Variants in MAML3 observed in about 807,000 individuals in gnomAD.
MAML3 encodes mastermind-like protein 3.
Under a neutral mutation model 101.9 loss-of-function variants are expected in MAML3, and 27 were observed. The ratio of observed to expected loss-of-function variants is 0.27; its 90% CI spans 0.20 to 0.37. The LOEUF is 0.37. Among genes scored for constraint, MAML3 ranks in the 10% least tolerant of loss-of-function variants. The pLI, the probability that MAML3 is intolerant of heterozygous loss-of-function variation, is 1.00. For missense variants in MAML3, 1,316 were observed against 1,444.9 expected, an observed-to-expected ratio of 0.91 and a Z score of 1.45; for synonymous variants, 501 against 555.9, an observed-to-expected ratio of 0.90 and a Z score of 1.39.
At chr4:140,002,971 C>T (rs1462117392) in intron 1 of MAML3, among the ~76,000 whole-genome samples, 1 of 152,196 alleles carries the variant, frequency 6.6e-6, no homozygotes, top group Non-Finnish European at 1.5e-5. Flanking sequence ...AAAGTAATGG[C>T]AAGGACAAGC....
rs1728673878 is a variant in MAML3 at position 139,730,756 on chromosome 4, G to A, written c.2080-89C>T. The A allele has an allele frequency of 8.9e-6, 11 of 1,235,688 alleles. No homozygotes were observed. The Admixed American group carries it at 2.3e-4, about 25-fold the overall frequency. 76.5% of individuals were successfully genotyped at this position (1,235,688 alleles called of 1,614,324 possible). A position where few individuals can be genotyped will look rare whatever the true frequency, so the allele number is the denominator to read the frequency against. ...GAAGCCCCTGGAAAAAGGGAACGGGGCAGAAGTCCCAGCTTATGGACTGGA... is the reference window on the plus strand; with the variant it reads ...GAAGCCCCTGGAAAAAGGGAACGGGACAGAAGTCCCAGCTTATGGACTGGA... On this transcript the variant is annotated intron_variant, in intron 2 of 4. Transcript: ENST00000509479.
At chr4:140,094,908 T>C (rs1360810999) in intron 1 of MAML3, among the ~76,000 whole-genome samples, 1 of 152,232 alleles carries the variant, frequency 6.6e-6, no homozygotes, top group Non-Finnish European at 1.5e-5. Context: ...AAAGACCAGT[T>C]CCTCTTCTCC....
At chr4:139,800,944 T>TGACATTGG (rs1406093551) in intron 2 of MAML3, among the ~76,000 whole-genome samples, 3 of 152,214 alleles carry the variant, frequency 2.0e-5, no homozygotes, top group Non-Finnish European at 4.4e-5. Flanking sequence ...GAACATAAAA[T>TGACATTGG]GACATTGGGA....
chr4:140,042,593 C>A (rs1287964065), intron 1 of MAML3, among the ~76,000 whole-genome samples: 2 of 151,928 alleles, frequency 1.3e-5, no homozygotes, highest in Non-Finnish European at 2.9e-5. Context: ...GAGATCACGC[C>A]ACTGCACTCC....
At chr4:139,977,781 G>A (rs540068999) in intron 1 of MAML3, among the ~76,000 whole-genome samples, 1 of 151,924 alleles carries the variant, frequency 6.6e-6, no homozygotes, top group Non-Finnish European at 1.5e-5. Flanking sequence ...GCTGAGGCAG[G>A]AGAATTGCTG....
chr4:140,003,991 A>G (rs1726392957), intron 1 of MAML3, among the ~76,000 whole-genome samples: 1 of 152,240 alleles, frequency 6.6e-6, no homozygotes, highest in Non-Finnish European at 1.5e-5. Context: ...TCACTTAGAA[A>G]GCATTGTAAG....
chr4:139,928,864 G>A (rs1044775698), intron 1 of MAML3, among the ~76,000 whole-genome samples: 6 of 152,104 alleles, frequency 3.9e-5, no homozygotes, highest in East Asian at 1.9e-4. Context: ...GGGATTTGGC[G>A]GACAGAGAAG....
chr4:140,083,977 G>C (rs879335534), intron 1 of MAML3, among the ~76,000 whole-genome samples: 5,445 of 41,566 alleles, frequency 0.13, 110 homozygotes, highest in Middle Eastern at 0.2. Context: ...CAGAGAGAGA[G>C]AGAGAGAGAG....
In MAML3 at chr4:139,890,444, T is replaced by C. The variant is rs899855917; in HGVS notation, c.992A>G (p.Glu331Gly). Residue 331 changes from glutamate (E) to glycine (G), a missense_variant, in exon 2 of 5, where the codon GAA becomes GGA. Physicochemically the swap from Glu to Gly is moderately conservative, Grantham distance 98. Coordinates refer to ENST00000509479, the MANE Select transcript of MAML3 (RefSeq NM_018717.5). The surrounding 1 kb of genome is among the most constrained non-coding windows in gnomAD (Gnocchi z 4.1). ...PEDDIQDLFN[E>G]DFEEKKEPEF... is the part of the protein sequence containing the mutation. ...TGGCTCCTTCTTCTCTTCAAAGTCT[T>C]CGTTGAACAGGTCCTGTATGTCATC... 3 of 1,611,362 alleles carry C rather than the reference T, an allele frequency of 1.9e-6. No homozygotes were observed. Among genetic ancestry groups the C allele is most frequent in the African/African-American group, 2.7e-5 (2 of 74,850 alleles).
At chr4:139,886,058 A>C (rs908481491) in intron 2 of MAML3, among the ~76,000 whole-genome samples, 1 of 151,972 alleles carries the variant, frequency 6.6e-6, no homozygotes, top group African/African-American at 2.4e-5. Context: ...TAATGGTAAA[A>C]AATGTTATTG....
intron 2 of MAML3, among the ~76,000 whole-genome samples, chr4:139,770,777 C>T (rs1415788594): frequency 6.6e-6 from 1 of 152,122 alleles, no homozygotes; most frequent in Admixed American, 6.5e-5. Context: ...AAATGTTACA[C>T]AGTAAAGTAA....
intron 2 of MAML3, among the ~76,000 whole-genome samples, chr4:139,883,285 T>C (rs1257551679): frequency 6.6e-6 from 1 of 152,198 alleles, no homozygotes; most frequent in Admixed American, 6.5e-5. Flanking sequence ...ATATTGAATG[T>C]TTTACATGGT....
intron 2 of MAML3, among the ~76,000 whole-genome samples, chr4:139,830,475 T>C (rs1731143949): frequency 6.9e-6 from 1 of 144,672 alleles, no homozygotes; most frequent in South Asian, 2.2e-4. Context: ...AGTGCAGTGG[T>C]GCGATCTCGG....
In MAML3 at chr4:139,719,361, A is replaced by G; in HGVS notation, c.3379T>C (p.Trp1127Arg). The G allele has an allele frequency of 1.2e-6, 2 of 1,607,280 alleles. No individual in the cohort carries two copies. The highest frequency in any genetic ancestry group is 1.7e-6 in the Non-Finnish European group (2 of 1,175,744). Reference sequence around the variant, plus strand: ...AACAATTCATCAAGCTCCTGCATCCACTCGTCCCCTGGCCCGCCTTTGATG... The same window carrying G: ...AACAATTCATCAAGCTCCTGCATCCGCTCGTCCCCTGGCCCGCCTTTGATG... ...SIIKGGPGDE[W>R]MQELDELFGN... The change falls in exon 5 of 5, where the codon TGG (tryptophan) becomes CGG (arginine). Residue 1127 changes from tryptophan (W) to arginine (R), a missense_variant. By Grantham distance (101) the Trp-to-Arg change is moderately radical (BLOSUM62 -3). Transcript: ENST00000509479.
Position 140,152,840 on chromosome 4 carries a change from C to G in MAML3, c.468+20G>C, listed in dbSNP as rs1034893258. On this transcript the variant is annotated intron_variant, in intron 1 of 4. Coordinates refer to ENST00000509479, the MANE Select transcript of MAML3 (RefSeq NM_018717.5). ...CCACCCCCAACGCGCGCCGCAAGCC[C>G]GCTGCCCGTGCGCCCTCACCATGAT... 4.4e-6 allele frequency: 7 copies of G among 1,601,300 alleles called. No individual in the cohort carries two copies. Among genetic ancestry groups the G allele is most frequent in the Admixed American group, 1.7e-5 (1 of 59,442 alleles).
intron 1 of MAML3, among the ~76,000 whole-genome samples, chr4:140,019,181 G>C (rs1726694547): frequency 6.6e-6 from 1 of 151,902 alleles, no homozygotes; most frequent in Non-Finnish European, 1.5e-5. Context: ...ATTTGGATAT[G>C]TTTTTTCAGT....
intron 2 of MAML3, among the ~76,000 whole-genome samples, chr4:139,839,823 G>A (rs1031663153): frequency 2.6e-5 from 4 of 152,114 alleles, no homozygotes; most frequent in Non-Finnish European, 4.4e-5. Context: ...AGGAGATAGT[G>A]GATATGAAGG....
intron 1 of MAML3, among the ~76,000 whole-genome samples, chr4:139,953,193 T>C (rs1007253668): frequency 9.2e-5 from 14 of 151,996 alleles, no homozygotes; most frequent in Non-Finnish European, 1.8e-4. Context: ...CGCTAGAAAA[T>C]AGTAACAGTG....
Position 139,890,983 on chromosome 4 carries a change from G to C in MAML3, c.469-16C>G. 1 of 1,602,376 alleles carries C rather than the reference G, an allele frequency of 6.2e-7. No individual in the cohort carries two copies. The highest frequency in any genetic ancestry group is 8.5e-7 in the Non-Finnish European group (1 of 1,173,104). ...TCTCTTGTAGCTGGAAAAGAAACAG[G>C]AAAGAGGATGACTAAACCTCCAAGT... On this transcript the variant is annotated splice_polypyrimidine_tract_variant and intron_variant, in intron 1 of 4. Coordinates refer to ENST00000509479, the MANE Select transcript of MAML3 (RefSeq NM_018717.5). The surrounding 1 kb of genome is among the most constrained non-coding windows in gnomAD (Gnocchi z 4.1).
Sources: gnomAD v4.1 joint callset for allele counts (sites outside exome capture counted in the v4.1 genomes callset) on GRCh38, gnomAD v4.1.1 for gene constraint, Gnocchi (gnomAD v3.1) non-coding constraint, MANE v1.5 for transcripts, NCBI Gene and HGNC (gene_info 2026-07-23, HGNC 2026-07-21) for gene names.